The following SOD3 variants were observed in gnomAD, a reference collection of about 807,000 sequenced individuals.
SOD3 encodes the protein superoxide dismutase 3.
A neutral mutation model predicts 2.6 loss-of-function variants in SOD3; 3 were observed. The observed-to-expected ratio is 1.13, with a 90% CI of 0.52 to 2.93. The LOEUF (loss-of-function observed/expected upper bound fraction) is 2.93, where lower values mean the gene tolerates loss of function less well. Ranked by LOEUF, SOD3 falls within the 30% of genes most tolerant of loss-of-function variation. The pLI is 0.04. For synonymous variants in SOD3, 188 were observed against 177.5 expected (o/e 1.06, Z -0.47); for missense variants, 379 against 370.4 (o/e 1.02, Z -0.19).
chr4:24,799,725 G>C lies in SOD3; in HGVS notation c.204G>C (p.Ser68=), dbSNP rs763915108. Residue 68 remains serine (S), a synonymous_variant, in exon 2 of 2, where the codon TCG becomes TCC. Coordinates refer to ENST00000382120, the MANE Select transcript of SOD3 (RefSeq NM_003102.4). ...ACGCCGCCTGCCAGGTGCAGCCGTC[G>C]GCCACGCTGGACGCCGCGCAGCCCC... is the stretch of plus-strand genomic sequence containing the variant. ...ALHAACQVQP[S]ATLDAAQPRV... is the part of the protein sequence containing the mutation. 1 of 1,565,460 alleles carries C rather than the reference G, an allele frequency of 6.4e-7. No individual in the cohort carries two copies. The highest frequency in any genetic ancestry group is 8.6e-7 in the Non-Finnish European group (1 of 1,160,856).
Position 24,800,584 on chromosome 4 carries a change from T to A in SOD3, c.*340T>A. 1 of 205,276 alleles carries A rather than the reference T, an allele frequency of 4.9e-6. No homozygotes were observed. 12.7% of individuals were successfully genotyped at this position (205,276 alleles called of 1,614,324 possible). On this transcript the variant is annotated 3_prime_UTR_variant, in exon 2 of 2. Transcript: ENST00000382120. ...CCCCATAAGCCCTGAGACTCCCGCC[T>A]TTGACCTGACGATCTTCCCCCTTCC...
chr4:24,799,569 G>A lies in SOD3; in HGVS notation c.48G>A (p.Ser16=), dbSNP rs764451055. The change falls in exon 2 of 2, where the codon TCG becomes TCA. Residue 16 remains serine (S), a synonymous_variant. Coordinates refer to ENST00000382120, the MANE Select transcript of SOD3 (RefSeq NM_003102.4). ...GCCTGCTCCTGGCAGCCGGTGCCTC[G>A]GACGCCTGGACGGGCGAGGACTCGG... ...CSCLLLAAGA[S]DAWTGEDSAE... 3 of 1,602,084 alleles carry A rather than the reference G, an allele frequency of 1.9e-6. No individual in the cohort carries two copies.
intron 1 of SOD3, among the ~76,000 whole-genome samples, chr4:24,796,627 T>A (rs1310544408): frequency 2.6e-5 from 2 of 77,458 alleles, no homozygotes; most frequent in Non-Finnish European, 4.0e-5. Flanking sequence ...CAGCTATTTT[T>A]TTTTTTTTTT....
intron 1 of SOD3, among the ~76,000 whole-genome samples, chr4:24,795,887 A>G (rs1693668604): frequency 6.6e-6 from 1 of 152,096 alleles, no homozygotes; most frequent in Non-Finnish European, 1.5e-5. Flanking sequence ...CCAGTCCAAG[A>G]GGATTTTAGT....
At chr4:24,796,575 A>G (rs2536511) in intron 1 of SOD3, among the ~76,000 whole-genome samples, 75,461 of 145,520 alleles carry the variant, frequency 0.52, 22,923 homozygotes, top group Non-Finnish European at 0.67. Context: ...TCCTACCTCA[A>G]CCTCCTGAGT....
intron 1 of SOD3, among the ~76,000 whole-genome samples, chr4:24,799,128 G>T (rs544769083): frequency 6.6e-6 from 1 of 152,178 alleles, no homozygotes; most frequent in Non-Finnish European, 1.5e-5. Flanking sequence ...GGGGAGGATG[G>T]AGGAAGAGGG....
intron 1 of SOD3, 35 bp from the exon 2 acceptor site, chr4:24,799,471 C>T (rs529999514): frequency 6.3e-7 from 1 of 1,586,440 alleles, no homozygotes; most frequent in Non-Finnish European, 8.5e-7. Context: ...GACTAAGCCT[C>T]ACTCTGCCCC....
In SOD3 at chr4:24,800,071, G is replaced by A. The variant is rs1234803142; in HGVS notation, c.550G>A (p.Glu184Lys). 4.9e-6 allele frequency: 7 copies of A among 1,433,738 alleles called. No individual in the cohort carries two copies. Among genetic ancestry groups the A allele is most frequent in the Non-Finnish European group, 1.8e-6 (2 of 1,105,374 alleles). The allele number at this position is 1,433,738 out of a possible 1,614,324, so 88.8% of individuals were successfully genotyped here. ...VGRAVVVHAG[E>K]DDLGRGGNQA... is the part of the protein sequence containing the mutation. ...CCGGGCCGTGGTCGTCCACGCTGGC[G>A]AGGACGACCTGGGCCGCGGCGGCAA... The change falls in exon 2 of 2, where the codon GAG (glutamate) becomes AAG (lysine). Residue 184 changes from glutamate to lysine, a missense_variant. By Grantham distance (56) the Glu-to-Lys change is moderately conservative. Coordinates refer to ENST00000382120, the MANE Select transcript of SOD3 (RefSeq NM_003102.4).
chr4:24,795,981 C>G (rs993159175), intron 1 of SOD3, among the ~76,000 whole-genome samples: 2 of 152,114 alleles, frequency 1.3e-5, no homozygotes, highest in Non-Finnish European at 2.9e-5. Context: ...ACTTATGGGA[C>G]AGCAGGTACT....
rs17882667 is a variant in SOD3, at chr4:24,799,530, G to C, written c.9G>C (p.Ala3=). 7,262 of 1,599,408 alleles carry C rather than the reference G, an allele frequency of 4.5e-3. 237 individuals carry two copies. The African/African-American group carries it at 0.076, about 17-fold the overall frequency. The change falls in exon 2 of 2, where the codon GCG becomes GCC. Residue 3 remains alanine, a synonymous_variant. Coordinates refer to ENST00000382120, the MANE Select transcript of SOD3 (RefSeq NM_003102.4). ...GGTGCCCGACTCCAGCCATGCTGGC[G>C]CTACTGTGTTCCTGCCTGCTCCTGG... ML[A]LLCSCLLLAA...
chr4:24,796,535 C>T (rs1242683990), intron 1 of SOD3, among the ~76,000 whole-genome samples: 4 of 136,050 alleles, frequency 2.9e-5, no homozygotes, highest in Non-Finnish European at 6.2e-5. Flanking sequence ...CGGCTCACTA[C>T]AGCCTCTACC....
In SOD3 at chr4:24,799,687, G is replaced by C; in HGVS notation, c.166G>C (p.Asp56His). 1 of 1,587,358 alleles carries C rather than the reference G, an allele frequency of 6.3e-7. No individual in the cohort carries two copies. The highest frequency in any genetic ancestry group is 1.1e-5 in the South Asian group (1 of 88,344). The change falls in exon 2 of 2, where the codon GAC (aspartate) becomes CAC (histidine). Residue 56 changes from aspartate (D) to histidine (H), a missense_variant. Physicochemically the swap from Asp to His is moderately conservative, Grantham distance 81. Transcript: ENST00000382120. ...WQEVMQRRDD[D>H]GALHAACQVQ... ...GGAGGTCATGCAGCGGCGGGACGAC[G>C]ACGGCGCGCTCCACGCCGCCTGCCA...
At position 24,799,965 on chromosome 4, in the gene SOD3, C is replaced by T; in HGVS notation, c.444C>T (p.Asn148=). 6.3e-7 allele frequency: 1 copy of T among 1,588,786 alleles called. No individual in the cohort carries two copies. The highest frequency in any genetic ancestry group is 8.5e-7 in the Non-Finnish European group (1 of 1,175,252). The part of the protein sequence containing the change: ...PHPQHPGDFG[N]FAVRDGSLWR... The stretch of plus-strand genomic sequence containing the variant: ...CGCAGCACCCGGGCGACTTCGGCAA[C>T]TTCGCGGTCCGCGACGGCAGCCTCT... The change falls in exon 2 of 2, where the codon AAC becomes AAT. Residue 148 remains asparagine, a synonymous_variant. Coordinates refer to ENST00000382120, the MANE Select transcript of SOD3 (RefSeq NM_003102.4).
chr4:24,797,432 T>G (rs1713703000), intron 1 of SOD3, among the ~76,000 whole-genome samples: 1 of 152,218 alleles, frequency 6.6e-6, no homozygotes, highest in South Asian at 2.1e-4. Flanking sequence ...ATGCAGGGAA[T>G]TAACCCACGC....
chr4:24,800,711 C>G lies in SOD3; in HGVS notation c.*467C>G, dbSNP rs912761505. 1.2e-5 allele frequency: 2 copies of G among 163,452 alleles called. No homozygotes were observed. The highest frequency in any genetic ancestry group is 1.4e-5 in the Non-Finnish European group (1 of 69,488). The allele number at this position is 163,452 out of a possible 1,614,324, so 10.1% of individuals were successfully genotyped here. ...CCACCGCTCCCGCGGGAAGCCAGCC[C>G]GTGCAACGGAAGCCAGGCCAACTGC... On this transcript the variant is annotated 3_prime_UTR_variant, in exon 2 of 2. Transcript: ENST00000382120.
In SOD3 at chr4:24,799,490, C is replaced by A; in HGVS notation, c.-16-16C>A. 6.3e-7 allele frequency: 1 copy of A among 1,593,928 alleles called. No individual in the cohort carries two copies. On this transcript the variant is annotated splice_polypyrimidine_tract_variant and intron_variant, in intron 1 of 1. Transcript: ENST00000382120. ...AAGCCTCACTCTGCCCCCACCTCCGCGGGGGCGTCCCGCAGGTGCCCGACT... is the reference window on the plus strand; with the variant it reads ...AAGCCTCACTCTGCCCCCACCTCCGAGGGGGCGTCCCGCAGGTGCCCGACT...
At chr4:24,797,672 C>A (rs1318003410) in intron 1 of SOD3, among the ~76,000 whole-genome samples, 1 of 152,208 alleles carries the variant, frequency 6.6e-6, no homozygotes, top group Non-Finnish European at 1.5e-5. Context: ...GACTAAGTGG[C>A]AGAGTCAGGC....
At position 24,800,503 on chromosome 4, in the gene SOD3, G is replaced by T; in HGVS notation, c.*259G>T. 1 of 358,178 alleles carries T rather than the reference G, an allele frequency of 2.8e-6. No homozygotes were observed. The highest frequency in any genetic ancestry group is 4.5e-5 in the East Asian group (1 of 22,468). The allele number at this position is 358,178 out of a possible 1,614,324, so 22.2% of individuals were successfully genotyped here. Reference sequence around the variant, plus strand: ...ATTTGTACCGAAACACCCCGCTCACGCTGACAGCCTCCTAGGCTCCCTGAG... The same window carrying T: ...ATTTGTACCGAAACACCCCGCTCACTCTGACAGCCTCCTAGGCTCCCTGAG... On this transcript the variant is annotated 3_prime_UTR_variant, in exon 2 of 2. Transcript: ENST00000382120.
Position 24,797,220 on chromosome 4 carries a change from G to A in SOD3, c.-17+1569G>A, listed in dbSNP as rs372442200. On this transcript the variant is annotated intron_variant, in intron 1 of 1. Coordinates refer to ENST00000382120, the MANE Select transcript of SOD3 (RefSeq NM_003102.4). Reference sequence around the variant, plus strand: ...CTGCCATTTACTGGGAACTTTCTATGTACTGGGCTCTGTGCTAAGTGCCCT... The same window carrying A: ...CTGCCATTTACTGGGAACTTTCTATATACTGGGCTCTGTGCTAAGTGCCCT... 1.1e-3 allele frequency among the ~76,000 whole-genome samples: 168 copies of A among 152,280 alleles called. 5 individuals carry two copies. In the South Asian group the frequency reaches 0.032, roughly 29 times the overall value.
Sources: allele counts gnomAD v4.1 joint callset (sites outside exome capture counted in the v4.1 genomes callset), GRCh38; gene constraint gnomAD v4.1.1; transcripts MANE v1.5; gene names NCBI Gene and HGNC (gene_info 2026-07-23, HGNC 2026-07-21).